SLIT1: variants seen among roughly 807,000 people sequenced by gnomAD.
The protein encoded by SLIT1 is slit homolog 1 protein.
A neutral mutation model predicts 186.1 loss-of-function variants in SLIT1; 66 were observed. The ratio of observed to expected loss-of-function variants is 0.35; its 90% CI spans 0.29 to 0.44. The LOEUF (loss-of-function observed/expected upper bound fraction) is 0.44, where lower values mean the gene tolerates loss of function less well. Among genes scored for constraint, SLIT1 ranks in the 20% least tolerant of loss-of-function variants. The probability of loss-of-function intolerance (pLI) is 1.00; values close to 1 mark genes in which losing one functional copy is unlikely to be tolerated. For synonymous variants in SLIT1, 761 were observed against 833.8 expected (o/e 0.91, Z 1.50); for missense variants, 1,638 against 2,037.4 (o/e 0.80, Z 3.77).
At position 97,056,460 on chromosome 10, in the gene SLIT1, G is replaced by A; in HGVS notation, c.1162C>T (p.Leu388=). The stretch of plus-strand genomic sequence containing the variant: ...ATGCAGTTGATCTTGTTGGCATTCA[G>A]GAGCCTGTGGGCAGAGCCAGGACCA... ...GGLYTLQLLL[L]NANKINCIRP... Residue 388 remains leucine (L), a synonymous_variant, in exon 13 of 37, where the codon CTG becomes TTG. Transcript: ENST00000266058. The A allele has an allele frequency of 6.2e-7, 1 of 1,614,148 alleles. No individual in the cohort carries two copies. The highest frequency in any genetic ancestry group is 8.5e-7 in the Non-Finnish European group (1 of 1,179,988).
chr10:97,096,397 T>G (rs1849290345), intron 4 of SLIT1, among the ~76,000 whole-genome samples: 1 of 149,950 alleles, frequency 6.7e-6, no homozygotes, highest in African/African-American at 2.5e-5. Flanking sequence ...GCCAGCGCCC[T>G]GTTCCCTCAA....
At chr10:97,133,875 C>A (rs966435983) in intron 4 of SLIT1, among the ~76,000 whole-genome samples, 6 of 152,090 alleles carry the variant, frequency 3.9e-5, no homozygotes, top group Non-Finnish European at 8.8e-5. Context: ...GTCCTGTATC[C>A]CCTGGCTCAC....
rs1455439856 is a variant in SLIT1, at chr10:97,036,063, G to A, written c.2367-1521C>T. On this transcript the variant is annotated intron_variant, in intron 22 of 36. Coordinates refer to ENST00000266058, the MANE Select transcript of SLIT1 (RefSeq NM_003061.3). ...TCCCTAAACCATGACAGTCTGGAGA[G>A]GGGGCCATGACTTCGGGGCCTTCAC... 3.3e-5 allele frequency among the ~76,000 whole-genome samples: 5 copies of A among 152,162 alleles called. No individual in the cohort carries two copies. The South Asian group carries it at 8.3e-4, about 25-fold the overall frequency.
Position 97,184,650 on chromosome 10 carries a change from A to G in SLIT1, c.197+828T>C, listed in dbSNP as rs573730977. ...AAAAGAAAAGGATCAAGTTTCCTCA[A>G]GAATTCACAAGTGAGACAGAACAGG... is the stretch of plus-strand genomic sequence containing the variant. On this transcript the variant is annotated intron_variant, in intron 1 of 36. Transcript: ENST00000266058. The surrounding 1 kb of genome is among the most constrained non-coding windows in gnomAD (Gnocchi z 4.4). 6.6e-6 allele frequency among the ~76,000 whole-genome samples: 1 copy of G among 152,346 alleles called. No individual in the cohort carries two copies. The highest frequency in any genetic ancestry group is 2.4e-5 in the African/African-American group (1 of 41,578).
At chr10:97,110,170 T>A (rs1467717140) in intron 4 of SLIT1, among the ~76,000 whole-genome samples, 1 of 152,196 alleles carries the variant, frequency 6.6e-6, no homozygotes, top group East Asian at 1.9e-4. Context: ...TTCCACGGCT[T>A]GAAACCATAT....
At chr10:97,083,554 T>G (rs1382976094) in intron 4 of SLIT1, among the ~76,000 whole-genome samples, 2 of 152,232 alleles carry the variant, frequency 1.3e-5, no homozygotes, top group African/African-American at 4.8e-5. Flanking sequence ...TTCAGAGCCC[T>G]CTGTTTTAGA....
intron 3 of SLIT1, among the ~76,000 whole-genome samples, chr10:97,160,568 G>A (rs953363831): frequency 1.2e-4 from 18 of 152,136 alleles, no homozygotes; most frequent in African/African-American, 3.6e-4. Flanking sequence ...TGGTTTAGGC[G>A]AGGCAAACAA....
chr10:97,082,908 T>C (rs1336343804), intron 4 of SLIT1, among the ~76,000 whole-genome samples: 4 of 151,934 alleles, frequency 2.6e-5, no homozygotes, highest in Non-Finnish European at 4.4e-5. Context: ...GAAAGTCTAC[T>C]GTTTGTTTGT....
intron 21 of SLIT1, 136 bp from the exon 22 acceptor site, chr10:97,037,902 A>C: frequency 1.6e-6 from 1 of 619,794 alleles, no homozygotes; most frequent in Non-Finnish European, 2.8e-6. Flanking sequence ...TGGGCCCAGA[A>C]TCACTTATGG....
chr10:97,173,799 G>A (rs1476674338), intron 1 of SLIT1, among the ~76,000 whole-genome samples: 1 of 152,210 alleles, frequency 6.6e-6, no homozygotes, highest in African/African-American at 2.4e-5. Flanking sequence ...GGAGACCTCA[G>A]CCCAGAAGGG....
Position 97,085,623 on chromosome 10 carries a change from T to C in SLIT1, c.414-19537A>G, listed in dbSNP as rs1007950662. ...GGCTGGTCTGAAACTCCTGACCCCG[T>C]GATCCGCCCGCCTCAGCCTCCCAAA... On this transcript the variant is annotated intron_variant, in intron 4 of 36. Transcript: ENST00000266058. Among the ~76,000 whole-genome samples, 3 of 152,242 alleles carry C rather than the reference T, an allele frequency of 2.0e-5. No individual in the cohort carries two copies. In the East Asian group the frequency reaches 5.8e-4, roughly 29 times the overall value.
intron 4 of SLIT1, among the ~76,000 whole-genome samples, chr10:97,119,926 T>TATATATATAC (rs971811767): frequency 2.3e-5 from 3 of 128,378 alleles, no homozygotes; most frequent in Admixed American, 7.7e-5. Flanking sequence ...TATATATATA[T>TATATATATAC]ATATATATAT....
Position 97,042,893 on chromosome 10 carries a change from C to G in SLIT1, c.2164+8G>C. Reference sequence around the variant, plus strand: ...CCTCTCCCTTGCCACCGGGGGGCCACGAGTTACCTTCCTCACACCTGAAGT... The same window carrying G: ...CCTCTCCCTTGCCACCGGGGGGCCAGGAGTTACCTTCCTCACACCTGAAGT... On this transcript the variant is annotated splice_region_variant and intron_variant, in intron 20 of 36. Transcript: ENST00000266058. The G allele has an allele frequency of 1.2e-6, 2 of 1,612,618 alleles. No homozygotes were observed. The highest frequency in any genetic ancestry group is 1.7e-6 in the Non-Finnish European group (2 of 1,178,930).
chr10:97,041,521 G>A (rs142083644), intron 20 of SLIT1, among the ~76,000 whole-genome samples: 2 of 151,932 alleles, frequency 1.3e-5, no homozygotes, highest in East Asian at 3.9e-4. Flanking sequence ...GCCCAGGCTG[G>A]AGTGCAACGG....
intron 22 of SLIT1, among the ~76,000 whole-genome samples, chr10:97,035,133 C>T (rs1848627526): frequency 1.3e-5 from 2 of 152,186 alleles, no homozygotes; most frequent in South Asian, 4.1e-4. Context: ...CTCTTCTCTT[C>T]TCAAAACTCC....
chr10:97,039,883 G>A lies in SLIT1; in HGVS notation c.2297+105C>T, dbSNP rs1353129690. 18 of 1,315,412 alleles carry A rather than the reference G, an allele frequency of 1.4e-5. No homozygotes were observed. In the South Asian group the frequency reaches 2.5e-4, roughly 18 times the overall value. 81.5% of individuals were successfully genotyped at this position (1,315,412 alleles called of 1,614,324 possible). Reference sequence around the variant, plus strand: ...TCCTAGTCAGCTAATGCCTGCTCTTGGTCACCTCCTCCTCCCATGGCTAGG... The same window carrying A: ...TCCTAGTCAGCTAATGCCTGCTCTTAGTCACCTCCTCCTCCCATGGCTAGG... On this transcript the variant is annotated intron_variant, in intron 21 of 36. Coordinates refer to ENST00000266058, the MANE Select transcript of SLIT1 (RefSeq NM_003061.3).
intron 4 of SLIT1, among the ~76,000 whole-genome samples, chr10:97,141,708 T>C (rs1359024709): frequency 3.6e-4 from 35 of 98,108 alleles, no homozygotes; most frequent in African/African-American, 2.0e-3. Context: ...TATCGTATTG[T>C]ATTGTACTGT....
At chr10:97,125,533 C>CAAAAAAA (rs34143370) in intron 4 of SLIT1, among the ~76,000 whole-genome samples, 1 of 115,552 alleles carries the variant, frequency 8.7e-6, no homozygotes. Flanking sequence ...GACCCTGTGT[C>CAAAAAAA]AAAAAAAAAA....
intron 4 of SLIT1, among the ~76,000 whole-genome samples, chr10:97,079,285 T>C (rs1756064255): frequency 6.6e-6 from 1 of 152,158 alleles, no homozygotes; most frequent in African/African-American, 2.4e-5. Context: ...GTGCAGGGAT[T>C]TGTGGCTGGA....
Sources: allele counts gnomAD v4.1 joint callset (sites outside exome capture counted in the v4.1 genomes callset), GRCh38; gene constraint gnomAD v4.1.1; non-coding constraint Gnocchi (gnomAD v3.1); transcripts MANE v1.5; gene names NCBI Gene and HGNC (gene_info 2026-07-23, HGNC 2026-07-21).